The following HEMK2 variants were observed in gnomAD, a reference collection of about 807,000 sequenced individuals.
The protein encoded by HEMK2 is methyltransferase HEMK2.
the HEMK2 span, among the ~76,000 whole-genome samples, chr21:28,588,775 A>G: frequency 6.6e-6 from 1 of 152,070 alleles, no homozygotes; most frequent in Admixed American, 6.6e-5. Flanking sequence ...CAAGGTCAGG[A>G]GATCGAGACC....
At chr21:28,838,972 AATATATATATATATATAT>A in the HEMK2 span, among the ~76,000 whole-genome samples, 34 of 29,160 alleles carry the variant, frequency 1.2e-3, no homozygotes, top group Non-Finnish European at 1.6e-3. Flanking sequence ...AAAAAAAAAA[AATATATATATATATATAT>A]ATATATATAT....
At chr21:28,829,063 T>C in the HEMK2 span, among the ~76,000 whole-genome samples, 1 of 152,316 alleles carries the variant, frequency 6.6e-6, no homozygotes, top group Non-Finnish European at 1.5e-5. Context: ...AATTGCTGAC[T>C]TCAAGAGCTC....
chr21:28,662,889 C>T, the HEMK2 span, among the ~76,000 whole-genome samples: 1 of 151,986 alleles, frequency 6.6e-6, no homozygotes, highest in Non-Finnish European at 1.5e-5. Flanking sequence ...ACTGATACAC[C>T]GACATACTCT....
the HEMK2 span, among the ~76,000 whole-genome samples, chr21:28,698,714 G>C: frequency 6.6e-6 from 1 of 152,084 alleles, no homozygotes; most frequent in South Asian, 2.1e-4. Context: ...AACTGTTTGA[G>C]CAAACATATT....
chr21:28,822,071 A>G, the HEMK2 span, among the ~76,000 whole-genome samples: 1 of 152,236 alleles, frequency 6.6e-6, no homozygotes, highest in South Asian at 2.1e-4. Context: ...TCTATCATGT[A>G]GAATATTACA....
the HEMK2 span, among the ~76,000 whole-genome samples, chr21:28,629,948 A>G: frequency 6.7e-6 from 1 of 150,102 alleles, no homozygotes; most frequent in Admixed American, 6.6e-5. Flanking sequence ...TTGATATATT[A>G]TTTTATTTAA....
chr21:28,581,321 C>T, the HEMK2 span, among the ~76,000 whole-genome samples: 2 of 151,704 alleles, frequency 1.3e-5, no homozygotes, highest in Non-Finnish European at 1.5e-5. Flanking sequence ...GTACCCAGGG[C>T]AGAAGGAGTC....
the HEMK2 span, among the ~76,000 whole-genome samples, chr21:28,767,556 GA>G: frequency 6.8e-6 from 1 of 147,700 alleles, no homozygotes; most frequent in African/African-American, 2.5e-5. Flanking sequence ...CAATTGGCAA[GA>G]GCAACAACAT....
the HEMK2 span, among the ~76,000 whole-genome samples, chr21:28,880,999 G>A: frequency 6.7e-6 from 1 of 148,474 alleles, no homozygotes; most frequent in East Asian, 2.0e-4. Flanking sequence ...TGCAAGTTAA[G>A]GAGCACAGAA....
chr21:28,728,844 C>G, the HEMK2 span, among the ~76,000 whole-genome samples: 5 of 152,196 alleles, frequency 3.3e-5, no homozygotes, highest in South Asian at 4.2e-4. Context: ...ACATTTTAAT[C>G]TTCTCAAGCT....
the HEMK2 span, among the ~76,000 whole-genome samples, chr21:28,790,384 C>T: frequency 4.6e-5 from 7 of 152,086 alleles, no homozygotes; most frequent in Non-Finnish European, 8.8e-5. Context: ...AATTTAAATC[C>T]GTGAAACCTG....
chr21:28,609,597 A>C, the HEMK2 span, among the ~76,000 whole-genome samples: 1 of 150,836 alleles, frequency 6.6e-6, no homozygotes, highest in Non-Finnish European at 1.5e-5. Flanking sequence ...CAGAAGGTTG[A>C]CTATTAAGCC....
chr21:28,818,283 A>G, the HEMK2 span, among the ~76,000 whole-genome samples: 2 of 151,672 alleles, frequency 1.3e-5, no homozygotes, highest in Non-Finnish European at 2.9e-5. Flanking sequence ...CCGCTTTGGG[A>G]CTCTTGGACC....
chr21:28,856,468 C>T, the HEMK2 span, among the ~76,000 whole-genome samples: 2 of 151,758 alleles, frequency 1.3e-5, no homozygotes, highest in South Asian at 4.2e-4. Flanking sequence ...TGATAAAATC[C>T]ATGTAATGAA....
the HEMK2 span, among the ~76,000 whole-genome samples, chr21:28,588,787 T>A: frequency 2.6e-4 from 39 of 151,878 alleles, no homozygotes; most frequent in Non-Finnish European, 2.9e-5. Flanking sequence ...ATCGAGACCA[T>A]CCTGGCTAAC....
At chr21:28,831,692 AAGGAAGGAAG>A in the HEMK2 span, among the ~76,000 whole-genome samples, 1 of 86,140 alleles carries the variant, frequency 1.2e-5, no homozygotes, top group Non-Finnish European at 2.3e-5. Flanking sequence ...AGAAGGAAGG[AAGGAAGGAAG>A]GAAGGAAGGA....
At chr21:28,647,950 G>A in the HEMK2 span, among the ~76,000 whole-genome samples, 1 of 152,204 alleles carries the variant, frequency 6.6e-6, no homozygotes, top group African/African-American at 2.4e-5. Flanking sequence ...GACCATTATG[G>A]GGGATAGTGA....
chr21:28,815,131 C>CA, the HEMK2 span, among the ~76,000 whole-genome samples: 1 of 148,554 alleles, frequency 6.7e-6, no homozygotes, highest in Non-Finnish European at 1.5e-5. Context: ...ATCGCAAGGA[C>CA]AAAAAACCAC....
chr21:28,668,728 T>C, the HEMK2 span, among the ~76,000 whole-genome samples: 1 of 152,176 alleles, frequency 6.6e-6, no homozygotes, highest in South Asian at 2.1e-4. Context: ...ATTCAAGACA[T>C]ATACTGACCA....
Sources: gnomAD v4.1 joint callset for allele counts (sites outside exome capture counted in the v4.1 genomes callset) on GRCh38, gnomAD v4.1.1 for gene constraint, MANE v1.5 for transcripts, NCBI Gene and HGNC (gene_info 2026-07-23, HGNC 2026-07-21) for gene names.